Variants in AFAP1L1 observed in about 807,000 individuals in gnomAD.
AFAP1L1 encodes actin filament-associated protein 1-like 1.
A neutral mutation model predicts 99.8 loss-of-function variants in AFAP1L1; 77 were observed. The observed-to-expected ratio is 0.77, with a 90% CI of 0.64 to 0.93. The LOEUF (loss-of-function observed/expected upper bound fraction) is 0.93. AFAP1L1 is among the 40% of genes least tolerant of loss of function. The probability of loss-of-function intolerance (pLI) is 0.00; values close to 1 mark genes in which losing one functional copy is unlikely to be tolerated. For synonymous variants in AFAP1L1, 373 were observed against 395.3 expected (o/e 0.94, Z 0.67); for missense variants, 893 against 996.8 (o/e 0.90, Z 1.40).
chr5:149,324,784 G>C (rs1289142592), intron 15 of AFAP1L1, among the ~76,000 whole-genome samples: 1 of 152,182 alleles, frequency 6.6e-6, no homozygotes, highest in African/African-American at 2.4e-5. Context: ...TTGTTGGAAG[G>C]AGGCCTCAGT....
intron 1 of AFAP1L1, among the ~76,000 whole-genome samples, chr5:149,289,018 A>G (rs140737550): frequency 1.3e-5 from 2 of 152,358 alleles, no homozygotes; most frequent in Non-Finnish European, 1.5e-5. Flanking sequence ...TACCATCTCT[A>G]ACAATAATCC....
chr5:149,277,583 T>A (rs1160967456), intron 1 of AFAP1L1, among the ~76,000 whole-genome samples: 1 of 152,216 alleles, frequency 6.6e-6, no homozygotes, highest in African/African-American at 2.4e-5. Flanking sequence ...ATGGTAATGG[T>A]CTTTTGAAAG....
At chr5:149,281,984 T>C (rs1313861598) in intron 1 of AFAP1L1, among the ~76,000 whole-genome samples, 1 of 152,188 alleles carries the variant, frequency 6.6e-6, no homozygotes, top group Non-Finnish European at 1.5e-5. Context: ...GGAGTTCTGG[T>C]ATTCAGCATT....
At chr5:149,290,631 G>C (rs1429644290) in intron 1 of AFAP1L1, among the ~76,000 whole-genome samples, 1 of 152,182 alleles carries the variant, frequency 6.6e-6, no homozygotes, top group African/African-American at 2.4e-5. Flanking sequence ...AGGGATATAA[G>C]TTGAACAAAA....
At position 149,306,345 on chromosome 5, in the gene AFAP1L1, A is replaced by G. The variant is rs371770954; in HGVS notation, c.476A>G (p.Tyr159Cys). The change falls in exon 6 of 19, where the codon TAT becomes TGT. Residue 159 changes from tyrosine to cysteine, a missense_variant. Tyr to Cys is a radical substitution (Grantham distance 194). Transcript: ENST00000296721. ...TCACACTCGATTGTGGATGGCTACT[A>G]TGAGGACGCAGACAGCAGCTACCCT... ...SPSHSIVDGY[Y>C]EDADSSYPAT... 1.2e-5 allele frequency: 19 copies of G among 1,613,502 alleles called. No homozygotes were observed. The highest frequency in any genetic ancestry group is 1.6e-4 in the Middle Eastern group (1 of 6,082).
At position 149,343,506 on chromosome 5, in the gene AFAP1L1, C is replaced by T. The variant is rs2127608425; in HGVS notation, c.*3476C>T. Among the ~76,000 whole-genome samples the T allele has an allele frequency of 6.6e-6, 1 of 152,224 alleles. No individual in the cohort carries two copies. The highest frequency in any genetic ancestry group is 3.4e-3 in the Middle Eastern group (1 of 294). ...ACTTAATTAAGTCATTCAACAAATACTTGAGTACCTACTATACTAGATGTC... is the reference window on the plus strand; with the variant it reads ...ACTTAATTAAGTCATTCAACAAATATTTGAGTACCTACTATACTAGATGTC... On this transcript the variant is annotated 3_prime_UTR_variant, in exon 19 of 19. Coordinates refer to ENST00000296721, the MANE Select transcript of AFAP1L1 (RefSeq NM_152406.4).
chr5:149,283,293 C>T (rs986232152), intron 1 of AFAP1L1, among the ~76,000 whole-genome samples: 7 of 152,144 alleles, frequency 4.6e-5, no homozygotes, highest in African/African-American at 9.7e-5. Context: ...CATTAGTGCA[C>T]GGGTGACCAG....
intron 15 of AFAP1L1, among the ~76,000 whole-genome samples, chr5:149,323,308 C>A (rs1363191733): frequency 6.6e-6 from 1 of 152,232 alleles, no homozygotes; most frequent in African/African-American, 2.4e-5. Context: ...TGGTGTCCCA[C>A]CCTAGCTCTG....
chr5:149,328,179 G>C (rs1338093995), intron 15 of AFAP1L1, among the ~76,000 whole-genome samples: 1 of 152,186 alleles, frequency 6.6e-6, no homozygotes, highest in Non-Finnish European at 1.5e-5. Context: ...GTTGTGTCAG[G>C]AACAGATTTT....
intron 1 of AFAP1L1, among the ~76,000 whole-genome samples, chr5:149,285,671 G>A (rs548138770): frequency 1.1e-4 from 16 of 152,226 alleles, no homozygotes; most frequent in African/African-American, 3.9e-4. Context: ...GCCTCTCTTA[G>A]TTCAGATTGC....
Position 149,342,785 on chromosome 5 carries a change from G to A in AFAP1L1, c.*2755G>A, listed in dbSNP as rs1172953737. 1.3e-5 allele frequency among the ~76,000 whole-genome samples: 2 copies of A among 152,224 alleles called. No homozygotes were observed. The highest frequency in any genetic ancestry group is 1.5e-5 in the Non-Finnish European group (1 of 68,040). ...AAGTTAGCTGGGCACGGTGGCACAT[G>A]CCGGTAGTCCCAGCTACTTGGGAGG... On this transcript the variant is annotated 3_prime_UTR_variant, in exon 19 of 19. Coordinates refer to ENST00000296721, the MANE Select transcript of AFAP1L1 (RefSeq NM_152406.4).
chr5:149,304,592 G>A (rs1756335371), intron 5 of AFAP1L1, among the ~76,000 whole-genome samples: 1 of 152,220 alleles, frequency 6.6e-6, no homozygotes, highest in African/African-American at 2.4e-5. Flanking sequence ...TTCAGGAAGG[G>A]CCAGGAACCT....
At chr5:149,302,752 G>C in intron 5 of AFAP1L1, 1 of 451,224 alleles carries the variant, frequency 2.2e-6, no homozygotes, top group East Asian at 3.7e-5. Flanking sequence ...TCTAGTCCCA[G>C]ATCTGTGTGG....
At chr5:149,317,150 G>A (rs1756821110) in intron 11 of AFAP1L1, among the ~76,000 whole-genome samples, 1 of 152,156 alleles carries the variant, frequency 6.6e-6, no homozygotes, top group African/African-American at 2.4e-5. Context: ...GGCTGACAGA[G>A]GGAGACCCAG....
intron 18 of AFAP1L1, among the ~76,000 whole-genome samples, chr5:149,338,041 T>C (rs1757454881): frequency 6.6e-6 from 1 of 152,196 alleles, no homozygotes. Flanking sequence ...GCCTGATCAT[T>C]TATGAGCTGA....
intron 15 of AFAP1L1, among the ~76,000 whole-genome samples, 177 bp from the exon 16 acceptor site, chr5:149,329,489 C>T (rs1287162812): frequency 1.3e-5 from 2 of 152,180 alleles, no homozygotes; most frequent in South Asian, 2.1e-4. Flanking sequence ...GCCCTGTGGC[C>T]TCCCTTTTGC....
intron 1 of AFAP1L1, among the ~76,000 whole-genome samples, chr5:149,287,861 C>G (rs1441031422): frequency 6.6e-6 from 1 of 151,508 alleles, no homozygotes. Flanking sequence ...GGATTACAGG[C>G]GTGAGCCACC....
chr5:149,333,142 G>T (rs1288259287), intron 17 of AFAP1L1, among the ~76,000 whole-genome samples: 1 of 152,190 alleles, frequency 6.6e-6, no homozygotes, highest in Non-Finnish European at 1.5e-5. Flanking sequence ...CTTAGAAATG[G>T]CCTTGGAGTT....
chr5:149,313,219 A>G (rs926607044), intron 9 of AFAP1L1, among the ~76,000 whole-genome samples: 2 of 152,140 alleles, frequency 1.3e-5, no homozygotes, highest in Non-Finnish European at 2.9e-5. Context: ...AATATGTCCC[A>G]GTACCTACAC....
Sources: gnomAD v4.1 joint callset for allele counts (sites outside exome capture counted in the v4.1 genomes callset) on GRCh38, gnomAD v4.1.1 for gene constraint, MANE v1.5 for transcripts, NCBI Gene and HGNC (gene_info 2026-07-23, HGNC 2026-07-21) for gene names.